Variants in PDXDC1 observed in about 807,000 individuals in gnomAD.
PDXDC1 encodes pyridoxal dependent decarboxylase domain containing 1, also known as pyridoxal-dependent decarboxylase domain-containing protein 1.
A neutral mutation model predicts 100.1 loss-of-function variants in PDXDC1; 42 were observed. That is an observed-to-expected ratio of 0.42 (90% CI 0.33 to 0.54). The LOEUF is 0.54. PDXDC1 is among the 20% of genes least tolerant of loss of function. PDXDC1 has a pLI of 0.10. For synonymous variants in PDXDC1, 260 were observed against 371.7 expected, an observed-to-expected ratio of 0.70 and a Z score of 3.46; for missense variants, 636 against 979.2, an observed-to-expected ratio of 0.65 and a Z score of 4.68.
At chr16:15,087,291 CAT>C (rs930148274) in intron 16 of PDXDC1, among the ~76,000 whole-genome samples, 12 of 152,306 alleles carry the variant, frequency 7.9e-5, no homozygotes, top group Admixed American at 6.5e-4. Context: ...TGACACTCCA[CAT>C]ATATATCTTC....
chr16:15,089,597 G>A lies in PDXDC1; in HGVS notation c.1400-49282G>A, dbSNP rs75826971. Among the ~76,000 whole-genome samples, 742 of 150,010 alleles carry A rather than the reference G, an allele frequency of 4.9e-3. 5 individuals are homozygous for A. Among genetic ancestry groups the A allele is most frequent in the African/African-American group, 0.017 (708 of 40,892 alleles). On this transcript the variant is annotated intron_variant, in intron 16 of 16. Coordinates refer to the PDXDC1 transcript ENST00000535621. ...GGGCGGATCACGAGGTCAGAAGATC[G>A]AGACCATCCTGGCTAACATGGTGAA...
chr16:15,123,452 G>C, intron 16 of PDXDC1: 1 of 706,956 alleles, frequency 1.4e-6, no homozygotes, highest in Non-Finnish European at 2.5e-6. Context: ...AGAGTGCCAG[G>C]TTTTACAGCC....
At chr16:15,031,968 C>A (rs2043093258) in intron 17 of PDXDC1, 62 bp downstream of exon 17, 1 of 1,359,740 alleles carries the variant, frequency 7.4e-7, no homozygotes, top group Non-Finnish European at 1.0e-6. Context: ...ATGAGTGGGT[C>A]ATTTTCTGAA....
Position 15,027,906 on chromosome 16 carries a change from C to T in PDXDC1, c.1205-972C>T, listed in dbSNP as rs1240252738. On this transcript the variant is annotated intron_variant, in intron 14 of 22. Transcript: ENST00000396410. Reference sequence around the variant, plus strand: ...AGGAGTGCTTGTCCTCACCTAGGTCCGTGGGGGTAGAGTCCTAGCCAGGGA... The same window carrying T: ...AGGAGTGCTTGTCCTCACCTAGGTCTGTGGGGGTAGAGTCCTAGCCAGGGA... Among the ~76,000 whole-genome samples the T allele has an allele frequency of 9.8e-5, 15 of 152,382 alleles. No homozygotes were observed. The East Asian group carries it at 1.2e-3, about 12-fold the overall frequency.
intron 16 of PDXDC1, chr16:15,130,986 A>G (rs1302704348): frequency 7.2e-6 from 6 of 837,014 alleles, no homozygotes; most frequent in South Asian, 1.5e-5. Flanking sequence ...ATGAAACAGA[A>G]AGCAAATTTC....
At chr16:15,019,194 C>T (rs1285640005) in intron 12 of PDXDC1, among the ~76,000 whole-genome samples, 1 of 152,284 alleles carries the variant, frequency 6.6e-6, no homozygotes, top group Non-Finnish European at 1.5e-5. Flanking sequence ...TGAAAAGGAA[C>T]ACCACTGTCA....
chr16:15,150,035 G>T, the PDXDC1 span, among the ~76,000 whole-genome samples: 4 of 151,982 alleles, frequency 2.6e-5, no homozygotes, highest in African/African-American at 7.3e-5. Context: ...GAGAGGAAGG[G>T]AAGCTCCTAG....
At chr16:15,026,404 T>C in intron 13 of PDXDC1, 1 of 539,616 alleles carries the variant, frequency 1.9e-6, no homozygotes, top group Non-Finnish European at 3.2e-6. Flanking sequence ...TTAATTTCAA[T>C]GTACCAGGGT....
At chr16:15,078,322 C>T (rs1396203693) in intron 16 of PDXDC1, among the ~76,000 whole-genome samples, 1 of 152,120 alleles carries the variant, frequency 6.6e-6, no homozygotes, top group Non-Finnish European at 1.5e-5. Context: ...CAAACCTGCT[C>T]ACGTCTCTCC....
At chr16:14,999,787 A>T (rs1426126452) in intron 3 of PDXDC1, among the ~76,000 whole-genome samples, 1 of 152,292 alleles carries the variant, frequency 6.6e-6, no homozygotes, top group Non-Finnish European at 1.5e-5. Flanking sequence ...GTAGCTGACT[A>T]AAATTTTCAC....
At chr16:14,996,657 T>C (rs6498534) in intron 1 of PDXDC1, among the ~76,000 whole-genome samples, 132,558 of 152,244 alleles carry the variant, frequency 0.87, 56,616 homozygotes, top group Admixed American at 0.91. Flanking sequence ...GAGTTTGAGA[T>C]CAGCCTGTGC....
downstream of PDXDC1, among the ~76,000 whole-genome samples, chr16:15,144,153 A>G (rs1567332500): frequency 6.6e-6 from 1 of 152,074 alleles, no homozygotes; most frequent in Admixed American, 6.5e-5. Flanking sequence ...GTCCCTCCCG[A>G]GAGCAGGCCC....
At chr16:15,117,791 A>G (rs986439689) in intron 16 of PDXDC1, among the ~76,000 whole-genome samples, 1 of 79,690 alleles carries the variant, frequency 1.3e-5, no homozygotes, top group African/African-American at 5.1e-5. Context: ...AAATGTGCCT[A>G]GATATCTTCA....
intron 16 of PDXDC1, chr16:15,060,563 AC>A (rs1236824143): frequency 6.5e-6 from 1 of 153,826 alleles, no homozygotes; most frequent in Non-Finnish European, 1.4e-5. Flanking sequence ...TCACAAGTAA[AC>A]AAAAAAGTAC....
chr16:15,039,898 A>G, downstream of PDXDC1: 1 of 872,918 alleles, frequency 1.1e-6, no homozygotes, highest in Middle Eastern at 2.4e-4. Flanking sequence ...CTAAGATCCC[A>G]AAAACTTAAG....
chr16:15,047,469 G>C (rs751587625), intron 16 of PDXDC1: 1 of 1,612,830 alleles, frequency 6.2e-7, no homozygotes, highest in Non-Finnish European at 8.5e-7. Flanking sequence ...GTCAGAAAAG[G>C]ATTTTATGGA....
chr16:15,104,602 C>A lies in PDXDC1; in HGVS notation c.1400-34277C>A, dbSNP rs758655632. 541 of 1,599,092 alleles carry A rather than the reference C, an allele frequency of 3.4e-4. 1 individual carries two copies. The highest frequency in any genetic ancestry group is 4.2e-4 in the Non-Finnish European group (494 of 1,179,678). On this transcript the variant is annotated intron_variant, in intron 16 of 16. Transcript: ENST00000535621. ...GGAAGGGGATAGAGCAGACACTCCG[C>A]AGGTGTCTTGAGGCTCAGGGAGTTA...
downstream of PDXDC1, chr16:15,040,982 A>G: frequency 1.1e-6 from 1 of 904,262 alleles, no homozygotes; most frequent in East Asian, 2.4e-5. Flanking sequence ...CCATCCTGAC[A>G]GCAGTGGGGT....
chr16:14,989,706 A>T, intron 1 of PDXDC1: 1 of 1,556,024 alleles, frequency 6.4e-7, no homozygotes, highest in Non-Finnish European at 8.6e-7. Context: ...CAGGCAACGC[A>T]CGCGGCGCAG....
Sources: gnomAD v4.1 joint callset for allele counts (sites outside exome capture counted in the v4.1 genomes callset) on GRCh38, gnomAD v4.1.1 for gene constraint, MANE v1.5 for transcripts, NCBI Gene and HGNC (gene_info 2026-07-23, HGNC 2026-07-21) for gene names.